Variants in KDM4C observed in about 807,000 individuals in gnomAD.
KDM4C encodes lysine demethylase 4C.
In KDM4C, 81 loss-of-function variants were observed where a neutral mutation model predicts 129.3. The observed-to-expected ratio is 0.63, with a 90% CI of 0.52 to 0.75. KDM4C has a LOEUF of 0.75. KDM4C is among the 30% of genes least tolerant of loss of function. The pLI, the probability that KDM4C is intolerant of heterozygous loss-of-function variation, is 0.00. For missense variants in KDM4C, 1,457 were observed against 1,304.0 expected, an observed-to-expected ratio of 1.12 and a Z score of -1.81; for synonymous variants, 573 against 456.1, an observed-to-expected ratio of 1.26 and a Z score of -3.26.
intron 12 of KDM4C, among the ~76,000 whole-genome samples, chr9:7,010,739 G>A (rs894976692): frequency 5.3e-5 from 8 of 152,124 alleles, no homozygotes; most frequent in South Asian, 2.1e-4. Context: ...CTGTTCTTGT[G>A]GAGTAAAGAA....
intron 5 of KDM4C, among the ~76,000 whole-genome samples, chr9:6,877,754 AAAACATT>A (rs1843786178): frequency 6.6e-6 from 1 of 152,200 alleles, no homozygotes; most frequent in Admixed American, 6.5e-5. Flanking sequence ...TTGAATTTCT[AAAACATT>A]AAAATTAGTC....
intron 5 of KDM4C, among the ~76,000 whole-genome samples, chr9:6,864,208 A>T (rs893707592): frequency 1.3e-5 from 2 of 152,060 alleles, no homozygotes; most frequent in African/African-American, 4.8e-5. Context: ...AAATTCTCTC[A>T]GCTTTCATTT....
intron 18 of KDM4C, among the ~76,000 whole-genome samples, chr9:7,127,182 A>C (rs1287377954): frequency 6.6e-6 from 1 of 152,330 alleles, no homozygotes; most frequent in East Asian, 1.9e-4. Context: ...ATTGCAGTAA[A>C]GATTATGCAC....
At chr9:6,814,965 T>G (rs962956038) in intron 4 of KDM4C, 9 of 370,736 alleles carry the variant, frequency 2.4e-5, no homozygotes, top group African/African-American at 1.5e-4. Context: ...AGTAGTAACA[T>G]GGTATGTGGT....
intron 5 of KDM4C, among the ~76,000 whole-genome samples, chr9:6,868,748 G>A (rs778524979): frequency 6.6e-6 from 1 of 151,980 alleles, no homozygotes; most frequent in Non-Finnish European, 1.5e-5. Context: ...TGGGACTCTC[G>A]GTGTGGAGGG....
chr9:7,168,922 A>G (rs997263294), intron 20 of KDM4C, among the ~76,000 whole-genome samples: 2 of 151,974 alleles, frequency 1.3e-5, no homozygotes, highest in Non-Finnish European at 2.9e-5. Flanking sequence ...GCACACAGCT[A>G]TGGTTCCAGC....
intron 8 of KDM4C, among the ~76,000 whole-genome samples, chr9:6,971,183 T>C (rs1052503445): frequency 6.6e-6 from 1 of 152,226 alleles, no homozygotes; most frequent in African/African-American, 2.4e-5. Context: ...ATCTTTGCTG[T>C]GATTATTATA....
chr9:6,729,587 A>G lies in KDM4C; in HGVS notation c.49+8590A>G, dbSNP rs2130203481. 2.2e-5 allele frequency among the ~76,000 whole-genome samples: 3 copies of G among 134,286 alleles called. 1 individual carries two copies. In the Middle Eastern group the frequency reaches 0.011, roughly 513 times the overall value. The allele number at this position is 134,286 out of a possible 152,430, so 88.1% of individuals were successfully genotyped here. A position where few individuals can be genotyped will look rare whatever the true frequency, so the allele number is the denominator to read the frequency against. On this transcript the variant is annotated intron_variant, in intron 1 of 17. Coordinates refer to the KDM4C transcript ENST00000536108. ...CTCCATAACTGATTATTTTTGCTGT[A>G]TGTCTTGCCTATTGGAGCCTCTGGA...
At chr9:6,915,454 C>A (rs1024312046) in intron 8 of KDM4C, among the ~76,000 whole-genome samples, 1 of 152,116 alleles carries the variant, frequency 6.6e-6, no homozygotes, top group Non-Finnish European at 1.5e-5. Context: ...CTTTGAGGTT[C>A]GGGGTTACAT....
At chr9:7,137,784 A>T (rs1841362894) in intron 19 of KDM4C, among the ~76,000 whole-genome samples, 1 of 152,206 alleles carries the variant, frequency 6.6e-6, no homozygotes, top group South Asian at 2.1e-4. Flanking sequence ...AGGTGCTAAC[A>T]CCCCAGGATA....
chr9:6,794,116 C>T (rs903159126), intron 2 of KDM4C, among the ~76,000 whole-genome samples: 1 of 152,212 alleles, frequency 6.6e-6, no homozygotes, highest in African/African-American at 2.4e-5. Flanking sequence ...TCTTTTCTTT[C>T]TGGTTATTTG....
intron 11 of KDM4C, among the ~76,000 whole-genome samples, chr9:6,988,926 G>A (rs560765180): frequency 7.9e-5 from 12 of 151,634 alleles, no homozygotes; most frequent in South Asian, 6.2e-4. Flanking sequence ...ATTTTCCTTC[G>A]TTACATATTT....
intron 1 of KDM4C, among the ~76,000 whole-genome samples, chr9:6,786,802 G>T (rs1825589945): frequency 6.6e-6 from 1 of 152,124 alleles, no homozygotes; most frequent in Non-Finnish European, 1.5e-5. Flanking sequence ...ATGAATGTAA[G>T]TAGGCACCTC....
intron 15 of KDM4C, among the ~76,000 whole-genome samples, chr9:7,029,291 C>A (rs1046380912): frequency 2.2e-5 from 2 of 92,952 alleles, no homozygotes; most frequent in African/African-American, 4.4e-5. Flanking sequence ...TTTCCCCCCA[C>A]CGTTTTTTTT....
At chr9:6,781,972 C>G (rs1321817627) in intron 1 of KDM4C, among the ~76,000 whole-genome samples, 1 of 151,926 alleles carries the variant, frequency 6.6e-6, no homozygotes, top group Non-Finnish European at 1.5e-5. Context: ...TTACGGGTGC[C>G]TGCCACCATG....
intron 8 of KDM4C, among the ~76,000 whole-genome samples, chr9:6,979,048 A>G (rs908820812): frequency 1.3e-5 from 2 of 152,164 alleles, no homozygotes; most frequent in Non-Finnish European, 2.9e-5. Context: ...GGCCTAAATC[A>G]GCTCATTAAA....
chr9:7,078,028 C>A (rs112600977), intron 17 of KDM4C, among the ~76,000 whole-genome samples: 1 of 152,056 alleles, frequency 6.6e-6, no homozygotes, highest in African/African-American at 2.4e-5. Context: ...TCTAATATTT[C>A]TTTAAAAATC....
intron 4 of KDM4C, among the ~76,000 whole-genome samples, chr9:6,817,955 C>CG (rs1167336701): frequency 6.6e-6 from 1 of 151,754 alleles, no homozygotes; most frequent in Non-Finnish European, 1.5e-5. Flanking sequence ...TTAGTAGAGA[C>CG]GGGGTTTCAC....
intron 3 of KDM4C, among the ~76,000 whole-genome samples, chr9:6,807,206 C>G (rs1337443562): frequency 4.6e-5 from 7 of 152,210 alleles, no homozygotes; most frequent in Admixed American, 3.9e-4. Context: ...GGTGCCCAGG[C>G]TGGAGTGCAG....
Sources: allele counts gnomAD v4.1 joint callset (sites outside exome capture counted in the v4.1 genomes callset), GRCh38; gene constraint gnomAD v4.1.1; transcripts MANE v1.5; gene names NCBI Gene and HGNC (gene_info 2026-07-23, HGNC 2026-07-21).